GALNTL6: variants seen among roughly 807,000 people sequenced by gnomAD.
GALNTL6 encodes polypeptide N-acetylgalactosaminyltransferase like 6.
In GALNTL6, 46 loss-of-function variants were observed where a neutral mutation model predicts 73.7. The ratio of observed to expected loss-of-function variants is 0.62; its 90% CI spans 0.49 to 0.80. The LOEUF is 0.80. Among genes scored for constraint, GALNTL6 ranks in the 30% least tolerant of loss-of-function variants. GALNTL6 has a pLI of 0.00. For missense variants in GALNTL6, 604 were observed against 755.0 expected (o/e 0.80, Z 2.34); for synonymous variants, 259 against 263.7 (o/e 0.98, Z 0.17).
chr4:173,027,409 A>AT (rs770911821), intron 12 of GALNTL6, among the ~76,000 whole-genome samples: 2 of 152,180 alleles, frequency 1.3e-5, no homozygotes, highest in African/African-American at 4.8e-5. Context: ...TTAAAAGACC[A>AT]TTTTTTCCCA....
chr4:172,625,078 A>G (rs901305959), intron 5 of GALNTL6, among the ~76,000 whole-genome samples: 7 of 151,884 alleles, frequency 4.6e-5, no homozygotes, highest in African/African-American at 1.7e-4. Flanking sequence ...AGTTTTTAGT[A>G]TTGTGCAGTG....
At chr4:172,341,730 C>T (rs915257637) in intron 4 of GALNTL6, among the ~76,000 whole-genome samples, 2 of 152,126 alleles carry the variant, frequency 1.3e-5, no homozygotes, top group African/African-American at 4.8e-5. Context: ...TTGACTTGCT[C>T]CTCCTTCCCT....
At chr4:172,406,243 T>C (rs1490417651) in intron 5 of GALNTL6, among the ~76,000 whole-genome samples, 2 of 151,998 alleles carry the variant, frequency 1.3e-5, no homozygotes, top group African/African-American at 4.8e-5. Flanking sequence ...TCAGAATGAA[T>C]TCAAACTCCT....
intron 8 of GALNTL6, among the ~76,000 whole-genome samples, chr4:172,902,440 C>A (rs1746676716): frequency 6.6e-6 from 1 of 152,186 alleles, no homozygotes; most frequent in South Asian, 2.1e-4. Flanking sequence ...GATACAAAGT[C>A]TCAATCCAGG....
At chr4:172,601,440 A>G (rs185013843) in intron 5 of GALNTL6, among the ~76,000 whole-genome samples, 5 of 152,262 alleles carry the variant, frequency 3.3e-5, no homozygotes, top group East Asian at 1.9e-4. Flanking sequence ...TTGCTCTCAC[A>G]TGACTGGATA....
chr4:172,939,269 C>G (rs1341804766), intron 9 of GALNTL6, among the ~76,000 whole-genome samples: 1 of 152,150 alleles, frequency 6.6e-6, no homozygotes, highest in African/African-American at 2.4e-5. Context: ...GCCCTCCAGC[C>G]TGGGTGACAA....
At chr4:173,026,488 G>A (rs780241763) in intron 12 of GALNTL6, among the ~76,000 whole-genome samples, 6 of 152,204 alleles carry the variant, frequency 3.9e-5, no homozygotes, top group African/African-American at 1.2e-4. Context: ...AGTGACATCC[G>A]GGCCAGCATG....
intron 2 of GALNTL6, among the ~76,000 whole-genome samples, chr4:172,151,936 TTATA>T (rs1237548821): frequency 2.9e-5 from 4 of 137,366 alleles, no homozygotes; most frequent in African/African-American, 1.1e-4. Flanking sequence ...TAATATAAAT[TTATA>T]TCTATCTATC....
At chr4:172,931,407 A>G in intron 9 of GALNTL6, 139 bp downstream of exon 9, 3 of 638,164 alleles carry the variant, frequency 4.7e-6, no homozygotes, top group Non-Finnish European at 8.6e-6. Flanking sequence ...TCTTATTTCC[A>G]TTGCTTAAAG....
intron 2 of GALNTL6, among the ~76,000 whole-genome samples, chr4:171,940,423 T>A (rs1738494791): frequency 6.6e-6 from 1 of 152,094 alleles, no homozygotes; most frequent in African/African-American, 2.4e-5. Context: ...AATAATACAA[T>A]TAAATGAATC....
chr4:172,583,957 T>A (rs1737307375), intron 5 of GALNTL6, among the ~76,000 whole-genome samples: 1 of 143,484 alleles, frequency 7.0e-6, no homozygotes, highest in African/African-American at 2.6e-5. Flanking sequence ...GTAAACTGTA[T>A]AGGATTCAAA....
chr4:172,852,401 T>C (rs1049068414), intron 7 of GALNTL6, among the ~76,000 whole-genome samples: 1 of 152,128 alleles, frequency 6.6e-6, no homozygotes, highest in Admixed American at 6.6e-5. Context: ...GACTTGGAAA[T>C]ACATTACCTC....
Position 172,847,408 on chromosome 4 carries a change from G to A in GALNTL6, c.923+33685G>A, listed in dbSNP as rs574603407. On this transcript the variant is annotated intron_variant, in intron 7 of 12. Coordinates refer to ENST00000506823, the MANE Select transcript of GALNTL6 (RefSeq NM_001034845.3). ...ACCCAGGTAGACAAAGTTAAGACAC[G>A]TGCACAAATGAGAAAGTTTGTACTG... is the stretch of plus-strand genomic sequence containing the variant. Among the ~76,000 whole-genome samples, 10 of 151,978 alleles carry A rather than the reference G, an allele frequency of 6.6e-5. No individual in the cohort carries two copies. The South Asian group carries it at 1.3e-3, about 19-fold the overall frequency.
intron 10 of GALNTL6, among the ~76,000 whole-genome samples, chr4:172,998,529 T>C (rs918659812): frequency 2.6e-5 from 4 of 152,240 alleles, no homozygotes; most frequent in African/African-American, 9.6e-5. Flanking sequence ...AACTTCCATT[T>C]GTTGACTCTG....
intron 4 of GALNTL6, among the ~76,000 whole-genome samples, chr4:172,322,581 A>G (rs1233165377): frequency 6.6e-6 from 1 of 152,170 alleles, no homozygotes; most frequent in Non-Finnish European, 1.5e-5. Flanking sequence ...CAGGAAACTC[A>G]TAATCATGGC....
chr4:172,530,031 C>T (rs1735117938), intron 5 of GALNTL6, among the ~76,000 whole-genome samples: 1 of 151,782 alleles, frequency 6.6e-6, no homozygotes, highest in Non-Finnish European at 1.5e-5. Flanking sequence ...CATGAGCCAC[C>T]ACGCCTGGCC....
intron 5 of GALNTL6, among the ~76,000 whole-genome samples, chr4:172,606,674 T>C (rs1343468808): frequency 2.1e-4 from 9 of 43,764 alleles, no homozygotes; most frequent in Admixed American, 3.8e-4. Flanking sequence ...TATATATATA[T>C]ACTATATATA....
chr4:172,602,636 C>A (rs1368686186), intron 5 of GALNTL6, among the ~76,000 whole-genome samples: 1 of 151,990 alleles, frequency 6.6e-6, no homozygotes, highest in African/African-American at 2.4e-5. Context: ...ATACATTGAC[C>A]ATTCGAATAT....
At chr4:172,002,234 T>A (rs1740697587) in intron 2 of GALNTL6, among the ~76,000 whole-genome samples, 1 of 152,204 alleles carries the variant, frequency 6.6e-6, no homozygotes, top group Non-Finnish European at 1.5e-5. Context: ...AACTGAATCC[T>A]CAATGTGAGT....
Sources: allele counts gnomAD v4.1 joint callset (sites outside exome capture counted in the v4.1 genomes callset), GRCh38; gene constraint gnomAD v4.1.1; transcripts MANE v1.5; gene names NCBI Gene and HGNC (gene_info 2026-07-23, HGNC 2026-07-21).